OXR1: variants seen among roughly 807,000 people sequenced by gnomAD.
OXR1 encodes the protein oxidation resistance 1.
OXR1 carries 41 observed loss-of-function variants against 104.6 expected under a neutral mutation model. The observed-to-expected ratio is 0.39, with a 90% confidence interval of 0.31 to 0.51. The LOEUF (loss-of-function observed/expected upper bound fraction) is 0.51. Ranked by LOEUF, OXR1 falls within the 20% of genes least tolerant of loss-of-function variation. OXR1 has a pLI of 0.77. For missense variants in OXR1, 955 were observed against 1,031.9 expected, an observed-to-expected ratio of 0.93 and a Z score of 1.02; for synonymous variants, 348 against 348.4, an observed-to-expected ratio of 1.00 and a Z score of 0.01.
intron 1 of OXR1, among the ~76,000 whole-genome samples, chr8:106,299,065 C>G (rs1206798778): frequency 6.6e-6 from 1 of 151,918 alleles, no homozygotes; most frequent in Non-Finnish European, 1.5e-5. Flanking sequence ...AACAATCAAA[C>G]CCCAAATCTC....
chr8:106,693,475 G>T (rs916117577), intron 7 of OXR1, among the ~76,000 whole-genome samples: 1 of 146,962 alleles, frequency 6.8e-6, no homozygotes, highest in Non-Finnish European at 1.5e-5. Flanking sequence ...TATCAGCCAG[G>T]CTGGAGTGCA....
chr8:106,578,566 A>G (rs1331483941), intron 3 of OXR1, among the ~76,000 whole-genome samples: 1 of 152,216 alleles, frequency 6.6e-6, no homozygotes, highest in African/African-American at 2.4e-5. Flanking sequence ...GTCATAGTAA[A>G]TTCTTGTGCA....
intron 7 of OXR1, 37 bp from the exon 8 acceptor site, chr8:106,702,869 C>T (rs538104833): frequency 6.6e-7 from 1 of 1,517,524 alleles, no homozygotes; most frequent in African/African-American, 1.4e-5. Flanking sequence ...AAGTATCAAC[C>T]TTGAGGATTA....
chr8:106,328,422 A>G (rs1034775010), intron 1 of OXR1, among the ~76,000 whole-genome samples: 3 of 152,248 alleles, frequency 2.0e-5, no homozygotes, highest in Non-Finnish European at 4.4e-5. Flanking sequence ...AAAGATTATG[A>G]TGACATTTTT....
At chr8:106,726,026 C>A in intron 11 of OXR1, 1 of 563,356 alleles carries the variant, frequency 1.8e-6, no homozygotes, top group Non-Finnish European at 2.8e-6. Context: ...TTCTCTCTTC[C>A]CTCCCCAGCT....
At chr8:106,444,326 A>T (rs1282091888) in intron 2 of OXR1, among the ~76,000 whole-genome samples, 1 of 152,222 alleles carries the variant, frequency 6.6e-6, no homozygotes, top group Non-Finnish European at 1.5e-5. Flanking sequence ...TGTTCCAGCA[A>T]TCCCATTACT....
At chr8:106,303,623 C>T (rs1021295472) in intron 1 of OXR1, among the ~76,000 whole-genome samples, 2 of 152,050 alleles carry the variant, frequency 1.3e-5, no homozygotes, top group South Asian at 2.1e-4. Context: ...TCAAAGTCAC[C>T]GTTGGCATAG....
At chr8:106,271,526 A>G (rs1811808449) in intron 1 of OXR1, among the ~76,000 whole-genome samples, 1 of 151,182 alleles carries the variant, frequency 6.6e-6, no homozygotes, top group South Asian at 2.1e-4. Context: ...GCAGCGTGCA[A>G]CTCGCAGCGG....
intron 2 of OXR1, among the ~76,000 whole-genome samples, chr8:106,391,563 T>C (rs1055136729): frequency 2.6e-5 from 4 of 152,172 alleles, no homozygotes; most frequent in African/African-American, 4.8e-5. Context: ...TAAAATGAGA[T>C]TTCAAGTCTG....
chr8:106,489,719 G>A (rs939526427), intron 2 of OXR1, among the ~76,000 whole-genome samples: 2 of 151,874 alleles, frequency 1.3e-5, no homozygotes, highest in African/African-American at 4.8e-5. Flanking sequence ...ATAGTCTTCT[G>A]TACTTATCAT....
intron 3 of OXR1, among the ~76,000 whole-genome samples, chr8:106,579,849 T>G (rs182435688): frequency 1.8e-3 from 277 of 152,246 alleles, no homozygotes; most frequent in Admixed American, 3.5e-3. Context: ...ATGATTGGTT[T>G]CAAGTCCAAA....
rs1035230180 is a variant in OXR1 at position 106,355,657 on chromosome 8, T to G, written c.-138-3819T>G. Among the ~76,000 whole-genome samples, 4 of 152,078 alleles carry G rather than the reference T, an allele frequency of 2.6e-5. 1 individual carries two copies. The highest frequency in any genetic ancestry group is 5.9e-5 in the Non-Finnish European group (4 of 67,960). On this transcript the variant is annotated intron_variant, in intron 1 of 16. Transcript: ENST00000517566. ...CTATGAATGGTCACTATAAATTTTTTTGTGTGCTTGGATATTTACTTATAA... is the reference window on the plus strand; with the variant it reads ...CTATGAATGGTCACTATAAATTTTTGTGTGTGCTTGGATATTTACTTATAA...
At chr8:106,286,776 A>C (rs1220569247) in intron 1 of OXR1, among the ~76,000 whole-genome samples, 1 of 152,224 alleles carries the variant, frequency 6.6e-6, no homozygotes, top group African/African-American at 2.4e-5. Flanking sequence ...TGCTTTTAGC[A>C]TGAGGTATTC....
intron 6 of OXR1, among the ~76,000 whole-genome samples, chr8:106,691,994 C>T (rs1435127710): frequency 6.7e-6 from 1 of 150,172 alleles, no homozygotes; most frequent in African/African-American, 2.4e-5. Flanking sequence ...TATACACACA[C>T]ACACACACAC....
intron 2 of OXR1, among the ~76,000 whole-genome samples, chr8:106,421,718 T>C (rs1252608396): frequency 6.6e-6 from 1 of 152,044 alleles, no homozygotes. Flanking sequence ...TAAATAAACA[T>C]GAAGAAAGAA....
chr8:106,532,827 A>G (rs1259232877), intron 3 of OXR1, among the ~76,000 whole-genome samples: 1 of 152,256 alleles, frequency 6.6e-6, no homozygotes, highest in African/African-American at 2.4e-5. Flanking sequence ...GATAAAATGC[A>G]TAACAATAAA....
At chr8:106,398,836 A>C (rs925881720) in intron 2 of OXR1, among the ~76,000 whole-genome samples, 1 of 152,146 alleles carries the variant, frequency 6.6e-6, no homozygotes, top group African/African-American at 2.4e-5. Flanking sequence ...GAGTATAAAC[A>C]TAGCTATTTG....
chr8:106,703,045 T>C lies in OXR1; in HGVS notation c.815T>C (p.Met272Thr), dbSNP rs1288313067. 2 of 1,613,590 alleles carry C rather than the reference T, an allele frequency of 1.2e-6. No homozygotes were observed. The highest frequency in any genetic ancestry group is 1.3e-5 in the African/African-American group (1 of 74,896). Residue 272 changes from methionine (M) to threonine (T), a missense_variant, in exon 8 of 17, where the codon ATG becomes ACG. Physicochemically the swap from Met to Thr is moderately conservative, Grantham distance 81. Transcript: ENST00000517566. ...CPMEEVMSAA[M>T]YKEILDSKIK... ...ATGGAAGAGGTGATGTCAGCTGCAA[T>C]GTACAAAGAAATTTTGGATAGCAAA...
intron 2 of OXR1, among the ~76,000 whole-genome samples, chr8:106,501,599 AG>A: frequency 6.6e-6 from 1 of 152,238 alleles, no homozygotes; most frequent in Non-Finnish European, 1.5e-5. Flanking sequence ...GGGTTAGCCT[AG>A]GGTGATAGCC....
Sources: allele counts gnomAD v4.1 joint callset (sites outside exome capture counted in the v4.1 genomes callset), GRCh38; gene constraint gnomAD v4.1.1; transcripts MANE v1.5; gene names NCBI Gene and HGNC (gene_info 2026-07-23, HGNC 2026-07-21).